Variants in FER1L5 observed in about 807,000 individuals in gnomAD.
FER1L5 encodes the protein fer-1 like family member 5, also known as fer-1-like protein 5.
FER1L5 carries 187 observed loss-of-function variants against 279.9 expected under a neutral mutation model. The ratio of observed to expected loss-of-function variants is 0.67; its 90% confidence interval spans 0.59 to 0.75. The LOEUF (loss-of-function observed/expected upper bound fraction) is 0.75. FER1L5 is among the 30% of genes least tolerant of loss of function. The pLI is 0.00. For synonymous variants in FER1L5, 921 were observed against 989.7 expected, an observed-to-expected ratio of 0.93 and a Z score of 1.30; for missense variants, 2,091 against 2,594.4, an observed-to-expected ratio of 0.81 and a Z score of 4.21.
intron 1 of FER1L5, among the ~76,000 whole-genome samples, chr2:96,645,633 C>T (rs767123955): frequency 6.6e-6 from 1 of 151,958 alleles, no homozygotes; most frequent in Non-Finnish European, 1.5e-5. Context: ...ACAAAAAATA[C>T]AAAAATTAGC....
chr2:96,674,803 C>G lies in FER1L5; in HGVS notation c.1669+1549C>G, dbSNP rs1209786704. On this transcript the variant is annotated intron_variant, in intron 19 of 52. Transcript: ENST00000624922. Reference sequence around the variant, plus strand: ...TCCAGCCTGGGTGACAGAGTGAGACCCTGTTTAACCAAAAACTAAAAAAAA... The same window carrying G: ...TCCAGCCTGGGTGACAGAGTGAGACGCTGTTTAACCAAAAACTAAAAAAAA... 3.3e-5 allele frequency among the ~76,000 whole-genome samples: 5 copies of G among 151,886 alleles called. No homozygotes were observed. In the East Asian group the frequency reaches 5.8e-4, roughly 18 times the overall value.
chr2:96,687,026 G>A (rs1168362194), intron 23 of FER1L5, among the ~76,000 whole-genome samples: 4 of 152,078 alleles, frequency 2.6e-5, no homozygotes, highest in Non-Finnish European at 5.9e-5. Context: ...TCAGATGCAA[G>A]CTATAAATAA....
intron 18 of FER1L5, 82 bp downstream of exon 18, chr2:96,670,329 G>C: frequency 6.6e-7 from 1 of 1,513,308 alleles, no homozygotes; most frequent in Non-Finnish European, 8.9e-7. Flanking sequence ...GTTTCTGACC[G>C]TGTAGAGAGG....
rs1429790508 is a variant in FER1L5 at position 96,695,820 on chromosome 2, G to A, written c.3973G>A (p.Val1325Met). 1.2e-5 allele frequency: 19 copies of A among 1,612,982 alleles called. No homozygotes were observed. The highest frequency in any genetic ancestry group is 2.7e-5 in the African/African-American group (2 of 74,932). Residue 1325 changes from valine (V) to methionine (M), a missense_variant, in exon 36 of 53, where the codon GTG becomes ATG. Transcript: ENST00000624922. ...CAACTGGGCCTTCGGCCAGCAGACCGTGACGGGCCAGGCCAACATCGACTT... is the reference window on the plus strand; with the variant it reads ...CAACTGGGCCTTCGGCCAGCAGACCATGACGGGCCAGGCCAACATCGACTT... ...VDNWAFGQQT[V>M]TGQANIDFLQ...
At position 96,702,409 on chromosome 2, in the gene FER1L5, A is replaced by G; in HGVS notation, c.5255+8A>G. 6.2e-7 allele frequency: 1 copy of G among 1,607,162 alleles called. No homozygotes were observed. Among genetic ancestry groups the G allele is most frequent in the South Asian group, 1.1e-5 (1 of 89,500 alleles). ...CGACATCTACATCAAAGGGTAGGGAAGAGGAGTCAGGCTCCGGCAGAGCCC... is the reference window on the plus strand; with the variant it reads ...CGACATCTACATCAAAGGGTAGGGAGGAGGAGTCAGGCTCCGGCAGAGCCC... On this transcript the variant is annotated splice_region_variant and intron_variant, in intron 47 of 52. Transcript: ENST00000624922. This position sits in a 1 kb window ranked among gnomAD's most constrained non-coding sequence, Gnocchi z 4.0.
At chr2:96,667,702 G>A (rs2076175040) in intron 14 of FER1L5, among the ~76,000 whole-genome samples, 1 of 152,106 alleles carries the variant, frequency 6.6e-6, no homozygotes, top group African/African-American at 2.4e-5. Context: ...TTGATGGCTA[G>A]ACATGATGAA....
Position 96,649,632 on chromosome 2 carries a change from A to C in FER1L5, c.349A>C (p.Thr117Pro), listed in dbSNP as rs763254732. Reference protein sequence around the residue: ...HSMKPTDCTVTLQVAHMSNQD... With the variant: ...HSMKPTDCTVPLQVAHMSNQD... ...TGCCTTTGTCTTGCAGTGTACTGTC[A>C]CCCTACAGGTGGCCCACATGAGCAA... Residue 117 changes from threonine (T) to proline (P), a missense_variant, in exon 5 of 53, where the codon ACC becomes CCC. Thr to Pro is a conservative substitution (Grantham distance 38). Coordinates refer to ENST00000624922, the MANE Select transcript of FER1L5 (RefSeq NM_001293083.2). The C allele has an allele frequency of 6.4e-7, 1 of 1,551,312 alleles. No homozygotes were observed. The highest frequency in any genetic ancestry group is 1.2e-5 in the South Asian group (1 of 84,038).
At position 96,649,550 on chromosome 2, in the gene FER1L5, C is replaced by A. The variant is rs1260290517; in HGVS notation, c.340-73C>A. The A allele has an allele frequency of 3.5e-6, 5 of 1,448,162 alleles. No individual in the cohort carries two copies. In the South Asian group the frequency reaches 6.2e-5, roughly 18 times the overall value. 89.7% of individuals were successfully genotyped at this position (1,448,162 alleles called of 1,614,324 possible). ...AGGACCAGGTGTGAACCCAACCAGGCTGTGCAGGGCTTGGGTGCTGTGTCC... is the reference window on the plus strand; with the variant it reads ...AGGACCAGGTGTGAACCCAACCAGGATGTGCAGGGCTTGGGTGCTGTGTCC... On this transcript the variant is annotated intron_variant, in intron 4 of 52. Transcript: ENST00000624922.
Position 96,685,963 on chromosome 2 carries a change from A to C in FER1L5, c.1919A>C (p.Tyr640Ser). 6.5e-7 allele frequency: 1 copy of C among 1,548,062 alleles called. No individual in the cohort carries two copies. Among genetic ancestry groups the C allele is most frequent in the South Asian group, 1.2e-5 (1 of 83,486 alleles). The change falls in exon 22 of 53, where the codon TAT becomes TCT. Residue 640 changes from tyrosine to serine, a missense_variant. By Grantham distance (144) the Tyr-to-Ser change is moderately radical (BLOSUM62 -2). Coordinates refer to ENST00000624922, the MANE Select transcript of FER1L5 (RefSeq NM_001293083.2). ...DCKRPLPCMT[Y>S]QPKATSLDRK... ...AGGCGCCCTCTGCCCTGCATGACCT[A>C]TCAGCCCAAAGCCACCAGCCTGGAC...
rs868660719 is a variant in FER1L5, at chr2:96,691,632, G to T, written c.3075+20G>T. On this transcript the variant is annotated intron_variant, in intron 29 of 52. Coordinates refer to ENST00000624922, the MANE Select transcript of FER1L5 (RefSeq NM_001293083.2). This position sits in a 1 kb window ranked among gnomAD's most constrained non-coding sequence, Gnocchi z 6.0. ...TCCTTGGTAAAGCCTCACAGGCTGG[G>T]TGATGCCTGCCTGTAACCCCACCTC... The T allele has an allele frequency of 6.6e-6, 10 of 1,511,092 alleles. No individual in the cohort carries two copies. The highest frequency in any genetic ancestry group is 8.9e-6 in the Non-Finnish European group (10 of 1,126,544). The allele number at this position is 1,511,092 out of a possible 1,614,324, so 93.6% of individuals were successfully genotyped here.
At chr2:96,684,567 A>G in intron 20 of FER1L5, 116 bp downstream of exon 20, 1 of 1,392,536 alleles carries the variant, frequency 7.2e-7, no homozygotes, top group Non-Finnish European at 9.6e-7. Flanking sequence ...TCATGCATTC[A>G]TTCCACACTG....
intron 23 of FER1L5, 83 bp from the exon 24 acceptor site, chr2:96,687,733 C>A: frequency 3.3e-6 from 5 of 1,500,956 alleles, no homozygotes; most frequent in South Asian, 2.5e-5. Flanking sequence ...GGGGAAGGGG[C>A]AGGTACAGCC....
rs557413688 is a variant in FER1L5, at chr2:96,687,915, C to A, written c.2329C>A (p.Arg777Ser). 1.3e-6 allele frequency: 2 copies of A among 1,551,056 alleles called. No individual in the cohort carries two copies. The highest frequency in any genetic ancestry group is 2.4e-5 in the South Asian group (2 of 84,046). ...AGACAGCAAGGACCTGCAGCTGCTC[C>A]GCCAGGGTGACACAGCGGTGTACGC... ...VTDSKDLQLL[R>S]QGDTAVYAEM... The change falls in exon 24 of 53, where the codon CGC becomes AGC. Residue 777 changes from arginine to serine, a missense_variant. Physicochemically the swap from Arg to Ser is moderately radical, Grantham distance 110. Coordinates refer to ENST00000624922, the MANE Select transcript of FER1L5 (RefSeq NM_001293083.2).
At position 96,693,892 on chromosome 2, in the gene FER1L5, G is replaced by C; in HGVS notation, c.3475-19G>C. 2 of 1,533,272 alleles carry C rather than the reference G, an allele frequency of 1.3e-6. No individual in the cohort carries two copies. Among genetic ancestry groups the C allele is most frequent in the Non-Finnish European group, 1.8e-6 (2 of 1,138,298 alleles). The allele number at this position is 1,533,272 out of a possible 1,614,324, so 95.0% of individuals were successfully genotyped here. On this transcript the variant is annotated intron_variant, in intron 32 of 52. Coordinates refer to ENST00000624922, the MANE Select transcript of FER1L5 (RefSeq NM_001293083.2). ...CCTGCCAGCATGGCCTCCATGCTTT[G>C]TGAACTTCCCCCCTCCAGGGCAAGG...
At chr2:96,685,457 G>A in intron 21 of FER1L5, 28 bp downstream of exon 21, 1 of 1,535,078 alleles carries the variant, frequency 6.5e-7, no homozygotes, top group Non-Finnish European at 8.8e-7. Flanking sequence ...CCGGGATACA[G>A]CTGGCCTGGA....
At chr2:96,681,530 T>C (rs1397706244) in intron 19 of FER1L5, among the ~76,000 whole-genome samples, 1 of 152,046 alleles carries the variant, frequency 6.6e-6, no homozygotes, top group Non-Finnish European at 1.5e-5. Context: ...CAGTGTTCTC[T>C]TTAAAAAATA....
At chr2:96,648,058 T>C (rs1256389648) in intron 4 of FER1L5, among the ~76,000 whole-genome samples, 172 bp downstream of exon 4, 1 of 152,150 alleles carries the variant, frequency 6.6e-6, no homozygotes, top group Non-Finnish European at 1.5e-5. Context: ...CGCATCTATT[T>C]AGATGAATTG....
intron 9 of FER1L5, among the ~76,000 whole-genome samples, chr2:96,655,645 T>TTTC (rs1433625175): frequency 6.6e-6 from 1 of 152,202 alleles, no homozygotes; most frequent in Non-Finnish European, 1.5e-5. Flanking sequence ...CACCGCATGA[T>TTTC]TTCTAGACAG....
At chr2:96,650,599 T>C (rs1229728501) in intron 6 of FER1L5, among the ~76,000 whole-genome samples, 1 of 152,184 alleles carries the variant, frequency 6.6e-6, no homozygotes, top group African/African-American at 2.4e-5. Flanking sequence ...CCTCAGGTTG[T>C]TGGCAAAACA....
Sources: gnomAD v4.1 joint callset for allele counts (sites outside exome capture counted in the v4.1 genomes callset) on GRCh38, gnomAD v4.1.1 for gene constraint, Gnocchi (gnomAD v3.1) non-coding constraint, MANE v1.5 for transcripts, NCBI Gene and HGNC (gene_info 2026-07-23, HGNC 2026-07-21) for gene names.